Variants in HACE1 observed in about 807,000 individuals in gnomAD.
HACE1 encodes E3 ubiquitin-protein ligase HACE1.
HACE1 carries 73 observed loss-of-function variants against 118.4 expected under a neutral mutation model. That is an observed-to-expected ratio of 0.62 (90% CI 0.51 to 0.75). The LOEUF (loss-of-function observed/expected upper bound fraction) is 0.75, where lower values mean the gene tolerates loss of function less well. Ranked by LOEUF, HACE1 falls within the 30% of genes least tolerant of loss-of-function variation. The pLI is 0.00. For missense variants in HACE1, 749 were observed against 1,102.2 expected (o/e 0.68, Z 4.54); for synonymous variants, 368 against 374.8 (o/e 0.98, Z 0.21).
At chr6:104,798,667 T>TATAAACTTGAGCTTAATAACACTTAA (rs1323259972) in intron 7 of HACE1, among the ~76,000 whole-genome samples, 22 of 152,346 alleles carry the variant, frequency 1.4e-4, no homozygotes, top group Middle Eastern at 3.4e-3. Flanking sequence ...CTCAAAGTGT[T>TATAAACTTGAGCTTAATAACACTTAA]GGTCAAGATG....
chr6:104,756,281 G>A (rs1427305921), intron 19 of HACE1, among the ~76,000 whole-genome samples: 7 of 151,610 alleles, frequency 4.6e-5, no homozygotes, highest in Non-Finnish European at 1.0e-4. Flanking sequence ...GCATGGTGGT[G>A]CATGCCTGTA....
At chr6:104,790,608 G>A (rs1287062979) in intron 11 of HACE1, among the ~76,000 whole-genome samples, 1 of 152,076 alleles carries the variant, frequency 6.6e-6, no homozygotes, top group Non-Finnish European at 1.5e-5. Context: ...ACAAAAATTA[G>A]CCAGGTATGG....
In HACE1 at chr6:104,796,946, G is replaced by T; in HGVS notation, c.697C>A (p.Leu233Met). ...YLPDKNGVTP[L>M]DLCVQGGYGE... ...AAACACACCTGTACACATAAATCCA[G>T]AGGAGTTACTCCATTTTTATCTGGC... Residue 233 changes from leucine (L) to methionine (M), a missense_variant, in exon 8 of 24, where the codon CTG (leucine) becomes ATG (methionine). By Grantham distance (15) the Leu-to-Met change is conservative (BLOSUM62 2). This residue lies in a region of HACE1 where 267 missense variants were observed against 312.2 expected (regional missense o/e 0.86). Transcript: ENST00000262903. The T allele has an allele frequency of 6.4e-7, 1 of 1,574,066 alleles. No homozygotes were observed. Among genetic ancestry groups the T allele is most frequent in the Non-Finnish European group, 8.7e-7 (1 of 1,143,694 alleles).
chr6:104,768,330 A>G (rs1369028484), intron 19 of HACE1, among the ~76,000 whole-genome samples: 1 of 152,100 alleles, frequency 6.6e-6, no homozygotes. Flanking sequence ...TAAAAAGCTG[A>G]CTCTAAAGTA....
intron 19 of HACE1, among the ~76,000 whole-genome samples, chr6:104,753,077 G>A (rs1778233756): frequency 2.0e-5 from 3 of 152,094 alleles, no homozygotes; most frequent in Non-Finnish European, 4.4e-5. Context: ...TCCCTGCCTC[G>A]CTAAACAGTA....
chr6:104,728,781 T>C lies in HACE1; in HGVS notation c.*881A>G, dbSNP rs1427379137. On this transcript the variant is annotated 3_prime_UTR_variant, in exon 24 of 24. Transcript: ENST00000262903. The stretch of plus-strand genomic sequence containing the variant: ...CAACATCCAAGTGATATTAGGCACA[T>C]ATCACTTGAACTTGACATTTTAATG... The C allele has an allele frequency of 6.6e-6, 1 of 152,164 alleles. No homozygotes were observed. Among genetic ancestry groups the C allele is most frequent in the Non-Finnish European group, 1.5e-5 (1 of 68,010 alleles). 9.4% of individuals were successfully genotyped at this position (152,164 alleles called of 1,614,324 possible).
Position 104,832,202 on chromosome 6 carries a change from G to T in HACE1, c.534+840C>A, listed in dbSNP as rs528944553. Among the ~76,000 whole-genome samples the T allele has an allele frequency of 3.3e-5, 5 of 152,120 alleles. No individual in the cohort carries two copies. In the South Asian group the frequency reaches 1.0e-3, roughly 32 times the overall value. ...AACAGCAAAAGATAAAATAAAATAT[G>T]AAGTTTTATTTGCTAAAACTGAGAA... On this transcript the variant is annotated intron_variant, in intron 6 of 23. Transcript: ENST00000262903.
intron 6 of HACE1, among the ~76,000 whole-genome samples, chr6:104,820,365 T>G (rs1485477195): frequency 6.6e-6 from 1 of 152,134 alleles, no homozygotes; most frequent in South Asian, 2.1e-4. Flanking sequence ...CTAAAGAGTT[T>G]CTGCATAGCG....
intron 22 of HACE1, among the ~76,000 whole-genome samples, chr6:104,742,522 A>T (rs551488380): frequency 1.8e-3 from 279 of 152,302 alleles, no homozygotes; most frequent in African/African-American, 6.6e-3. Flanking sequence ...GACACTTCTC[A>T]AAAGAAGACA....
In HACE1 at chr6:104,859,908, G is replaced by A; in HGVS notation, c.-266C>T. On this transcript the variant is annotated 5_prime_UTR_variant, in exon 1 of 24. Transcript: ENST00000262903. ...CCGCCGCCGCGTCCCTCCCGGGCTCGCGTGGCCTTCTGGGAACTGTAGTTT... is the reference window on the plus strand; with the variant it reads ...CCGCCGCCGCGTCCCTCCCGGGCTCACGTGGCCTTCTGGGAACTGTAGTTT... The A allele has an allele frequency of 2.2e-6, 1 of 454,454 alleles. No homozygotes were observed. Among genetic ancestry groups the A allele is most frequent in the Non-Finnish European group, 3.9e-6 (1 of 255,666 alleles). The allele number at this position is 454,454 out of a possible 1,614,324, so 28.2% of individuals were successfully genotyped here.
At chr6:104,790,023 T>C (rs372637035) in intron 11 of HACE1, among the ~76,000 whole-genome samples, 2 of 151,522 alleles carry the variant, frequency 1.3e-5, no homozygotes, top group East Asian at 3.9e-4. Context: ...GCCACATGAA[T>C]TACAAGAATG....
chr6:104,859,184 T>C (rs1467577295), intron 1 of HACE1, among the ~76,000 whole-genome samples: 1 of 152,028 alleles, frequency 6.6e-6, no homozygotes, highest in African/African-American at 2.4e-5. Flanking sequence ...AACAGTATCT[T>C]TGGATCATCT....
At chr6:104,857,039 A>T (rs1776787994) in intron 1 of HACE1, among the ~76,000 whole-genome samples, 1 of 151,956 alleles carries the variant, frequency 6.6e-6, no homozygotes. Context: ...CTGAATTCTA[A>T]CAAAGCAAAA....
chr6:104,784,028 T>C, intron 14 of HACE1, 58 bp downstream of exon 14: 1 of 861,880 alleles, frequency 1.2e-6, no homozygotes, highest in Non-Finnish European at 2.0e-6. Context: ...TAAACAGTAT[T>C]AGAATTTTAG....
rs762847892 is a variant in HACE1, at chr6:104,729,665, T to C, written c.2727A>G (p.Ala909=). 2.1e-6 allele frequency: 3 copies of C among 1,396,834 alleles called. No homozygotes were observed. Among genetic ancestry groups the C allele is most frequent in the Non-Finnish European group, 3.1e-6 (3 of 981,626 alleles). 86.5% of individuals were successfully genotyped at this position (1,396,834 alleles called of 1,614,324 possible). A position where few individuals can be genotyped will look rare whatever the true frequency, so the allele number is the denominator to read the frequency against. ...CAGAGGAGTTTTCCAGACTTCATTATGCCATTGTGTAACCATAGCTGCCAC... is the reference window on the plus strand; with the variant it reads ...CAGAGGAGTTTTCCAGACTTCATTACGCCATTGTGTAACCATAGCTGCCAC... The part of the protein sequence containing the change: ...LHCGSYGYTM[A] The change falls in exon 24 of 24, where the codon GCA becomes GCG. Residue 909 remains alanine (A), a synonymous_variant. Coordinates refer to ENST00000262903, the MANE Select transcript of HACE1 (RefSeq NM_020771.4).
At chr6:104,820,734 G>T (rs942911668) in intron 6 of HACE1, among the ~76,000 whole-genome samples, 1 of 152,208 alleles carries the variant, frequency 6.6e-6, no homozygotes, top group Non-Finnish European at 1.5e-5. Flanking sequence ...CTTAAACACC[G>T]TTGGTGGGAG....
intron 5 of HACE1, among the ~76,000 whole-genome samples, chr6:104,842,139 T>C (rs9486023): frequency 0.17 from 25,389 of 151,990 alleles, 2,302 homozygotes; most frequent in East Asian, 0.2. Flanking sequence ...ACCCCACCTC[T>C]ACAAAAAAAT....
Position 104,815,131 on chromosome 6 carries a change from A to G in HACE1, c.535-3738T>C, listed in dbSNP as rs1771984269. 1.5e-5 allele frequency among the ~76,000 whole-genome samples: 2 copies of G among 137,814 alleles called. 1 individual carries two copies. The highest frequency in any genetic ancestry group is 3.1e-5 in the Non-Finnish European group (2 of 64,242). 90.4% of individuals were successfully genotyped at this position (137,814 alleles called of 152,430 possible). A position where few individuals can be genotyped will look rare whatever the true frequency, so the allele number is the denominator to read the frequency against. On this transcript the variant is annotated intron_variant, in intron 6 of 23. Coordinates refer to ENST00000262903, the MANE Select transcript of HACE1 (RefSeq NM_020771.4). ...TGAAGAAGACAGTAAGATGTGGGAA[A>G]GTTTGGAACTTCCCAGAGACTTGTT...
Position 104,857,202 on chromosome 6 carries a change from CATAT to C in HACE1, c.76+2361_76+2364del, listed in dbSNP as rs71003450. Among the ~76,000 whole-genome samples, 11 of 145,020 alleles carry C rather than the reference CATAT, an allele frequency of 7.6e-5. 1 individual carries two copies. The South Asian group carries it at 2.1e-3, about 28-fold the overall frequency. On this transcript the variant is annotated intron_variant, in intron 1 of 23. Coordinates refer to ENST00000262903, the MANE Select transcript of HACE1 (RefSeq NM_020771.4). ...ACATATATATTTACATATATATTTA[CATAT>C]ATATATATATATTCCTATATGTATG...
Sources: allele counts gnomAD v4.1 joint callset (sites outside exome capture counted in the v4.1 genomes callset), GRCh38; gene constraint gnomAD v4.1.1; regional missense constraint gnomAD v4.1.1; transcripts MANE v1.5; gene names NCBI Gene and HGNC (gene_info 2026-07-23, HGNC 2026-07-21).